The following BCAR3 variants were observed in gnomAD, a reference collection of about 807,000 sequenced individuals.
The protein encoded by BCAR3 is breast cancer anti-estrogen resistance protein 3.
A neutral mutation model predicts 80.1 loss-of-function variants in BCAR3; 37 were observed. That is an observed-to-expected ratio of 0.46 (90% confidence interval 0.36 to 0.61). The LOEUF (loss-of-function observed/expected upper bound fraction) is 0.61. Among genes scored for constraint, BCAR3 ranks in the 20% least tolerant of loss-of-function variants. The pLI is 0.00. For missense variants in BCAR3, 978 were observed against 1,068.2 expected (o/e 0.92, Z 1.18); for synonymous variants, 389 against 418.9 (o/e 0.93, Z 0.87).
At chr1:93,580,766 C>T (rs983817111) in intron 7 of BCAR3, among the ~76,000 whole-genome samples, 6 of 152,140 alleles carry the variant, frequency 3.9e-5, no homozygotes, top group Non-Finnish European at 8.8e-5. Flanking sequence ...CGAATCCCGA[C>T]GGATCTGAAA....
At chr1:93,777,474 C>T (rs1032363381) in intron 2 of BCAR3, among the ~76,000 whole-genome samples, 16 of 119,680 alleles carry the variant, frequency 1.3e-4, no homozygotes, top group African/African-American at 4.3e-4. Flanking sequence ...CCTCTTCTTC[C>T]TCCTCCTCCT....
chr1:93,687,417 C>T (rs1030899311), intron 3 of BCAR3, among the ~76,000 whole-genome samples: 1 of 152,160 alleles, frequency 6.6e-6, no homozygotes, highest in African/African-American at 2.4e-5. Context: ...AAACGATTCT[C>T]CCGCCTTAGC....
chr1:93,567,566 C>G, intron 10 of BCAR3, 75 bp from the exon 11 acceptor site: 1 of 1,529,390 alleles, frequency 6.5e-7, no homozygotes, highest in Non-Finnish European at 8.9e-7. Flanking sequence ...GACTCATAGC[C>G]CTTGTCTTGT....
chr1:93,577,962 C>T (rs967416686), intron 7 of BCAR3, among the ~76,000 whole-genome samples: 1 of 152,256 alleles, frequency 6.6e-6, no homozygotes, highest in African/African-American at 2.4e-5. Flanking sequence ...CAAGCTCACA[C>T]CGCAGGGCCT....
intron 5 of BCAR3, among the ~76,000 whole-genome samples, chr1:93,584,340 C>T (rs973158410): frequency 2.6e-5 from 4 of 152,182 alleles, no homozygotes; most frequent in Non-Finnish European, 4.4e-5. Flanking sequence ...ATCCCCCTGT[C>T]CCCATGACCA....
rs767589716 is a variant in BCAR3, at chr1:93,636,437, G to A, written c.357+5867C>T. ...AGCCAGGAACAAAAGGTTGCATTCC[G>A]TCCTGACACTTCCTCACTGCGGTAG... On this transcript the variant is annotated intron_variant, in intron 3 of 11. Transcript: ENST00000260502. Among the ~76,000 whole-genome samples the A allele has an allele frequency of 7.8e-4, 119 of 152,184 alleles. 1 individual carries two copies. Among genetic ancestry groups the A allele is most frequent in the Non-Finnish European group, 1.5e-3 (99 of 68,006 alleles).
rs72721080 is a variant in BCAR3 at position 93,726,359 on chromosome 1, C to T, written c.-62-20217G>A. Among the ~76,000 whole-genome samples the T allele has an allele frequency of 4.3e-3, 656 of 152,272 alleles. 1 individual carries two copies. The highest frequency in any genetic ancestry group is 0.041 in the Middle Eastern group (12 of 294). ...AAGTGTCAAGATTACAGGCATGAGC[C>T]ACCGTGCCTGGCCTATTAGCTATTC... is the stretch of plus-strand genomic sequence containing the variant. On this transcript the variant is annotated intron_variant, in intron 2 of 13. Transcript: ENST00000370244.
At chr1:93,795,459 G>A (rs1321859003) in intron 2 of BCAR3, among the ~76,000 whole-genome samples, 3 of 86,204 alleles carry the variant, frequency 3.5e-5, no homozygotes, top group Non-Finnish European at 6.3e-5. Flanking sequence ...GGCTCCTGAG[G>A]CTTCTGCATT....
intron 9 of BCAR3, 74 bp downstream of exon 9, chr1:93,571,596 G>T: frequency 6.4e-7 from 1 of 1,558,934 alleles, no homozygotes; most frequent in Non-Finnish European, 8.8e-7. Context: ...GACTAAAATA[G>T]TCTGATTTGC....
intron 2 of BCAR3, among the ~76,000 whole-genome samples, chr1:93,782,592 A>G (rs11164988): frequency 0.13 from 20,527 of 152,144 alleles, 2,173 homozygotes; most frequent in African/African-American, 0.28. Flanking sequence ...ATTAGGAAAT[A>G]CAATCTGAGT....
At chr1:93,825,905 C>T (rs1207402122) in intron 2 of BCAR3, among the ~76,000 whole-genome samples, 2 of 152,206 alleles carry the variant, frequency 1.3e-5, no homozygotes, top group Non-Finnish European at 2.9e-5. Context: ...TCATCTGCTT[C>T]CCTGACCACA....
At chr1:93,836,915 C>A (rs920152623) in intron 2 of BCAR3, among the ~76,000 whole-genome samples, 36 of 152,170 alleles carry the variant, frequency 2.4e-4, no homozygotes, top group African/African-American at 8.7e-4. Flanking sequence ...AAGAGAAAAA[C>A]CCCCTTTGAC....
intron 2 of BCAR3, among the ~76,000 whole-genome samples, chr1:93,663,024 TG>T (rs1385211141): frequency 6.6e-6 from 1 of 152,204 alleles, no homozygotes; most frequent in Admixed American, 6.5e-5. Flanking sequence ...TCTTGGACTT[TG>T]GGGCTTCACC....
intron 2 of BCAR3, among the ~76,000 whole-genome samples, chr1:93,835,806 C>T (rs1455530771): frequency 6.6e-6 from 1 of 152,162 alleles, no homozygotes; most frequent in Non-Finnish European, 1.5e-5. Context: ...ACTAAAATAC[C>T]TCTTGGTCTG....
chr1:93,710,403 T>C (rs1649979219), intron 2 of BCAR3, among the ~76,000 whole-genome samples: 1 of 152,112 alleles, frequency 6.6e-6, no homozygotes. Context: ...CACCTTTGAG[T>C]AGGGAAAACT....
intron 9 of BCAR3, 180 bp from the exon 10 acceptor site, chr1:93,568,031 C>G: frequency 2.0e-6 from 1 of 499,432 alleles, no homozygotes; most frequent in Non-Finnish European, 3.7e-6. Flanking sequence ...TACTCAAATA[C>G]AAAAATTAGC....
intron 2 of BCAR3, among the ~76,000 whole-genome samples, chr1:93,769,811 GAA>G (rs1652291845): frequency 1.3e-5 from 2 of 152,204 alleles, no homozygotes; most frequent in South Asian, 4.1e-4. Context: ...CTCTGGTGCA[GAA>G]CTTTCATATC....
At chr1:93,745,825 A>C (rs1651338614) in intron 2 of BCAR3, among the ~76,000 whole-genome samples, 1 of 152,204 alleles carries the variant, frequency 6.6e-6, no homozygotes, top group Non-Finnish European at 1.5e-5. Context: ...GGATCACTTG[A>C]GACCAGGAGT....
At chr1:93,672,945 C>T (rs1648286775) in intron 2 of BCAR3, among the ~76,000 whole-genome samples, 1 of 152,218 alleles carries the variant, frequency 6.6e-6, no homozygotes, top group African/African-American at 2.4e-5. Flanking sequence ...TGCTACACTC[C>T]AGCCACAGGC....
Sources: allele counts gnomAD v4.1 joint callset (sites outside exome capture counted in the v4.1 genomes callset), GRCh38; gene constraint gnomAD v4.1.1; transcripts MANE v1.5; gene names NCBI Gene and HGNC (gene_info 2026-07-23, HGNC 2026-07-21).